HIVEP1: variants seen among roughly 807,000 people sequenced by gnomAD.
The protein encoded by HIVEP1 is zinc finger protein 40.
In HIVEP1, 36 loss-of-function variants were observed where a neutral mutation model predicts 180.0. The observed-to-expected ratio is 0.20, with a 90% confidence interval of 0.15 to 0.26. HIVEP1 has a LOEUF of 0.26. Among genes scored for constraint, HIVEP1 ranks in the 10% least tolerant of loss-of-function variants. The pLI is 1.00. For synonymous variants in HIVEP1, 1,239 were observed against 1,239.0 expected, an observed-to-expected ratio of 1.00 and a Z score of 0.00; for missense variants, 3,143 against 3,268.7, an observed-to-expected ratio of 0.96 and a Z score of 0.94.
At chr6:12,148,591 A>C (rs190675396) in intron 7 of HIVEP1, among the ~76,000 whole-genome samples, 4 of 152,270 alleles carry the variant, frequency 2.6e-5, no homozygotes, top group East Asian at 1.9e-4. Flanking sequence ...TCATCTTCTT[A>C]ATCTAACATA....
At chr6:12,108,289 C>G (rs539650255) in intron 3 of HIVEP1, among the ~76,000 whole-genome samples, 1 of 152,200 alleles carries the variant, frequency 6.6e-6, no homozygotes, top group South Asian at 2.1e-4. Context: ...AAAGATTCTC[C>G]GCGTCCCCAC....
At position 12,015,681 on chromosome 6, in the gene HIVEP1, A is replaced by C; in HGVS notation, c.40+13A>C. 6.2e-7 allele frequency: 1 copy of C among 1,609,716 alleles called. No individual in the cohort carries two copies. Among genetic ancestry groups the C allele is most frequent in the South Asian group, 1.1e-5 (1 of 90,706 alleles). On this transcript the variant is annotated intron_variant, in intron 2 of 8. Transcript: ENST00000379388. ...AGAAATCTAAGAGGTAAAGCATTGC[A>C]TTAAGTAGAAGTAAGGCTTGCTGTA...
At chr6:12,202,321 T>C in the HIVEP1 span, among the ~76,000 whole-genome samples, 1 of 151,584 alleles carries the variant, frequency 6.6e-6, no homozygotes, top group Non-Finnish European at 1.5e-5. Flanking sequence ...TTTCTTTTGG[T>C]AGAGATGGGG....
chr6:12,107,765 C>T (rs1210325027), intron 3 of HIVEP1, among the ~76,000 whole-genome samples: 1 of 152,168 alleles, frequency 6.6e-6, no homozygotes, highest in Non-Finnish European at 1.5e-5. Context: ...TAGAAGGGGA[C>T]CCGAGCGGGT....
intron 7 of HIVEP1, among the ~76,000 whole-genome samples, chr6:12,148,511 C>G (rs954915436): frequency 2.0e-5 from 3 of 152,228 alleles, no homozygotes; most frequent in African/African-American, 7.2e-5. Flanking sequence ...TTTTAACACA[C>G]AAACTTGCTG....
At chr6:12,095,787 T>C (rs954686835) in intron 3 of HIVEP1, among the ~76,000 whole-genome samples, 13 of 151,970 alleles carry the variant, frequency 8.6e-5, no homozygotes, top group Admixed American at 7.9e-4. Context: ...ACCAAGAAAG[T>C]ACATGAGGAA....
rs769627337 is a variant in HIVEP1 at position 12,163,549 on chromosome 6, G to T, written c.7245G>T (p.Thr2415=). ...TACCTGCTGGCCTCACATACTCCACGTTTGTGCCCCTTCAGGCTGGACCAG... is the reference window on the plus strand; with the variant it reads ...TACCTGCTGGCCTCACATACTCCACTTTTGTGCCCCTTCAGGCTGGACCAG... ...HVVPAGLTYS[T]FVPLQAGPVQ... Residue 2415 remains threonine (T), a synonymous_variant, in exon 9 of 9, where the codon ACG becomes ACT. Coordinates refer to ENST00000379388, the MANE Select transcript of HIVEP1 (RefSeq NM_002114.4). The T allele has an allele frequency of 6.2e-6, 10 of 1,614,108 alleles. No individual in the cohort carries two copies. The South Asian group carries it at 1.1e-4, about 18-fold the overall frequency.
the HIVEP1 span, among the ~76,000 whole-genome samples, chr6:12,203,100 T>C: frequency 6.6e-6 from 1 of 152,254 alleles, no homozygotes; most frequent in Non-Finnish European, 1.5e-5. Context: ...GGTTGGACTC[T>C]AAACTATGTT....
chr6:12,127,079 T>C (rs1758121607), intron 4 of HIVEP1, among the ~76,000 whole-genome samples: 1 of 152,108 alleles, frequency 6.6e-6, no homozygotes, highest in African/African-American at 2.4e-5. Flanking sequence ...CAAGCTGGTC[T>C]TGAACTCCTG....
chr6:12,021,556 AAT>A (rs1448097656), intron 2 of HIVEP1, among the ~76,000 whole-genome samples: 1 of 152,156 alleles, frequency 6.6e-6, no homozygotes, highest in Non-Finnish European at 1.5e-5. Flanking sequence ...TTGTACTTAC[AAT>A]ATTACATCAT....
chr6:12,032,234 G>A (rs1581533890), intron 2 of HIVEP1, among the ~76,000 whole-genome samples: 3 of 148,896 alleles, frequency 2.0e-5, no homozygotes, highest in East Asian at 2.0e-4. Flanking sequence ...TCTGCTTCCC[G>A]GTTTCACGCC....
intron 2 of HIVEP1, among the ~76,000 whole-genome samples, chr6:12,080,659 T>A (rs1436608621): frequency 2.0e-5 from 3 of 152,186 alleles, no homozygotes; most frequent in African/African-American, 7.2e-5. Flanking sequence ...ATATCTACTT[T>A]TCTCTTTGAA....
chr6:12,202,247 C>T, the HIVEP1 span, among the ~76,000 whole-genome samples: 14 of 152,122 alleles, frequency 9.2e-5, no homozygotes, highest in African/African-American at 2.2e-4. Context: ...CTTGACCTCC[C>T]GGGGCTCAGG....
intron 2 of HIVEP1, among the ~76,000 whole-genome samples, chr6:12,056,908 C>CATGA (rs1475986672): frequency 6.6e-6 from 1 of 151,576 alleles, no homozygotes; most frequent in Non-Finnish European, 1.5e-5. Flanking sequence ...ATGATCTTGG[C>CATGA]TCACTGCAGT....
chr6:12,058,373 TG>T (rs776886266), intron 2 of HIVEP1, among the ~76,000 whole-genome samples: 6 of 152,250 alleles, frequency 3.9e-5, no homozygotes, highest in Non-Finnish European at 2.9e-5. Context: ...AAGGGGTTGA[TG>T]ATGTCATTTA....
chr6:12,156,677 T>A (rs1760074359), intron 7 of HIVEP1, among the ~76,000 whole-genome samples: 1 of 152,216 alleles, frequency 6.6e-6, no homozygotes, highest in African/African-American at 2.4e-5. Flanking sequence ...TTAATTGATT[T>A]CTGGTTTAAT....
intron 3 of HIVEP1, among the ~76,000 whole-genome samples, chr6:12,106,445 TTA>T (rs1269150670): frequency 1.3e-5 from 2 of 152,160 alleles, no homozygotes; most frequent in Non-Finnish European, 2.9e-5. Flanking sequence ...TTCTGTATGT[TTA>T]GAATTTTCTG....
chr6:12,081,610 C>G (rs181536771), intron 2 of HIVEP1, among the ~76,000 whole-genome samples: 64 of 152,190 alleles, frequency 4.2e-4, no homozygotes, highest in African/African-American at 1.5e-3. Flanking sequence ...GCTCTGCTTT[C>G]TCCAAAACCT....
At chr6:12,116,315 A>G (rs934166080) in intron 3 of HIVEP1, among the ~76,000 whole-genome samples, 5 of 152,092 alleles carry the variant, frequency 3.3e-5, no homozygotes, top group African/African-American at 1.2e-4. Flanking sequence ...TCTCGAGAGA[A>G]GGTATTTGTC....
Sources: gnomAD v4.1 joint callset for allele counts (sites outside exome capture counted in the v4.1 genomes callset) on GRCh38, gnomAD v4.1.1 for gene constraint, MANE v1.5 for transcripts, NCBI Gene and HGNC (gene_info 2026-07-23, HGNC 2026-07-21) for gene names.